The following SLC9A5 variants were observed in gnomAD, a reference collection of about 807,000 sequenced individuals.
SLC9A5 encodes the protein sodium/hydrogen exchanger 5.
A neutral mutation model predicts 91.7 loss-of-function variants in SLC9A5; 52 were observed. The ratio of observed to expected loss-of-function variants is 0.57; its 90% CI spans 0.45 to 0.71. The LOEUF is 0.71. Among genes scored for constraint, SLC9A5 ranks in the 30% least tolerant of loss-of-function variants. The probability of loss-of-function intolerance (pLI) is 0.00; values close to 1 mark genes in which losing one functional copy is unlikely to be tolerated. For missense variants in SLC9A5, 871 were observed against 1,158.9 expected (o/e 0.75, Z 3.61); for synonymous variants, 419 against 474.5 (o/e 0.88, Z 1.52).
chr16:67,262,292 A>C (rs2035557142), intron 12 of SLC9A5: 1 of 457,186 alleles, frequency 2.2e-6, no homozygotes, highest in African/African-American at 2.0e-5. Flanking sequence ...TTTTTGGGGT[A>C]TGGTAACTCA....
intron 10 of SLC9A5, among the ~76,000 whole-genome samples, chr16:67,259,026 C>T (rs1328536514): frequency 6.6e-6 from 1 of 151,106 alleles, no homozygotes; most frequent in Non-Finnish European, 1.5e-5. Flanking sequence ...TTTGGGGGGC[C>T]AAGGCGGGTG....
intron 12 of SLC9A5, 93 bp downstream of exon 12, chr16:67,260,039 A>G: frequency 6.6e-7 from 1 of 1,507,010 alleles, no homozygotes; most frequent in South Asian, 1.3e-5. Context: ...GGAGAGCTGC[A>G]GATGCCCAGC....
intron 12 of SLC9A5, chr16:67,262,499 C>A (rs2035565071): frequency 3.2e-6 from 1 of 311,916 alleles, no homozygotes; most frequent in South Asian, 2.7e-5. Flanking sequence ...ACCACAGAAT[C>A]CCCTGGGGAA....
intron 15 of SLC9A5, among the ~76,000 whole-genome samples, chr16:67,268,657 ATTATATATAT>A (rs2035798456): frequency 2.1e-5 from 1 of 47,792 alleles, no homozygotes; most frequent in East Asian, 8.9e-4. Flanking sequence ...AATTTCCCTG[ATTATATATAT>A]ATATATATAT....
intron 15 of SLC9A5, among the ~76,000 whole-genome samples, chr16:67,267,482 CA>C (rs1351826137): frequency 6.6e-6 from 1 of 152,138 alleles, no homozygotes; most frequent in African/African-American, 2.4e-5. Flanking sequence ...CTTGGCCTCC[CA>C]AAATGCTGGG....
chr16:67,249,086 A>G lies in SLC9A5; in HGVS notation c.72A>G (p.Pro24=). The change falls in exon 1 of 16, where the codon CCA becomes CCG. Residue 24 remains proline, a synonymous_variant. Transcript: ENST00000299798. Reference sequence around the variant, plus strand: ...CGGCCGAAGAGCCCACCCAGAAGCCAGAGTCCCCGGGCGAGCCTCCCCCAG... The same window carrying G: ...CGGCCGAAGAGCCCACCCAGAAGCCGGAGTCCCCGGGCGAGCCTCCCCCAG... The part of the protein sequence containing the change: ...AGAAEEPTQK[P]ESPGEPPPGL... 4 of 1,533,112 alleles carry G rather than the reference A, an allele frequency of 2.6e-6. No individual in the cohort carries two copies. The highest frequency in any genetic ancestry group is 3.5e-6 in the Non-Finnish European group (4 of 1,146,566). 95.0% of individuals were successfully genotyped at this position (1,533,112 alleles called of 1,614,324 possible).
rs759020404 is a variant in SLC9A5, at chr16:67,255,017, A to G, written c.491-4A>G. 1.7e-5 allele frequency: 28 copies of G among 1,612,548 alleles called. 1 individual carries two copies. Among genetic ancestry groups the G allele is most frequent in the South Asian group, 6.6e-5 (6 of 91,048 alleles). On this transcript the variant is annotated splice_polypyrimidine_tract_variant and splice_region_variant and intron_variant, in intron 2 of 15. Coordinates refer to ENST00000299798, the MANE Select transcript of SLC9A5 (RefSeq NM_004594.3). This position sits in a 1 kb window ranked among gnomAD's most constrained non-coding sequence, Gnocchi z 4.9. The stretch of plus-strand genomic sequence containing the variant: ...TGGCCTGTCCTACACATGTCCCTTA[A>G]TAGCCCCTAGGGTGCAGGCTGGCTT...
At position 67,257,288 on chromosome 16, in the gene SLC9A5, A is replaced by G; in HGVS notation, c.1336-57A>G. ...GCTGAAGCCTCATTACGGGGAGAGA[A>G]AGGCAGCAGGGAACTGAATAGGAAT... On this transcript the variant is annotated intron_variant, in intron 7 of 15. Coordinates refer to ENST00000299798, the MANE Select transcript of SLC9A5 (RefSeq NM_004594.3). This position sits in a 1 kb window ranked among gnomAD's most constrained non-coding sequence, Gnocchi z 5.1. 2.7e-6 allele frequency: 4 copies of G among 1,498,074 alleles called. No individual in the cohort carries two copies. In the Admixed American group the frequency reaches 6.7e-5, roughly 25 times the overall value. 92.8% of individuals were successfully genotyped at this position (1,498,074 alleles called of 1,614,324 possible). A position where few individuals can be genotyped will look rare whatever the true frequency, so the allele number is the denominator to read the frequency against.
intron 15 of SLC9A5, among the ~76,000 whole-genome samples, chr16:67,268,440 G>A (rs1001104070): frequency 2.1e-5 from 3 of 145,814 alleles, no homozygotes; most frequent in African/African-American, 7.6e-5. Context: ...CACTCCACCC[G>A]GCCTCAGATA....
intron 12 of SLC9A5, chr16:67,262,441 C>T (rs958229496): frequency 6.2e-6 from 2 of 324,060 alleles, no homozygotes. Flanking sequence ...GAGATAAGGG[C>T]TGGAGAGAAA....
intron 1 of SLC9A5, among the ~76,000 whole-genome samples, chr16:67,249,859 C>T (rs1472741149): frequency 4.6e-5 from 7 of 152,224 alleles, no homozygotes; most frequent in African/African-American, 1.7e-4. Context: ...TGCTTTCATA[C>T]ATCCGACCTC....
chr16:67,251,085 G>A (rs1567404790), intron 1 of SLC9A5, among the ~76,000 whole-genome samples: 1 of 152,172 alleles, frequency 6.6e-6, no homozygotes, highest in Non-Finnish European at 1.5e-5. Context: ...CACCCTTGAT[G>A]CTGGGTATTT....
chr16:67,251,459 G>A (rs1488260366), intron 1 of SLC9A5, among the ~76,000 whole-genome samples: 1 of 133,582 alleles, frequency 7.5e-6, no homozygotes, highest in Non-Finnish European at 1.5e-5. Context: ...TGTCACCCAG[G>A]CTGGAGTACA....
rs397932908 is a variant in SLC9A5, at chr16:67,260,354, C to CAAAAAAAAAAAAAAAAAAAAAAAA, written c.1842+431_1842+432insAAAAAAAAAAAAAAAAAAAAAAAA. ...TGGGTAACAGAGCAAGACTCCATCT[C>CAAAAAAAAAAAAAAAAAAAAAAAA]AAAAAAAAAAAAAAAAAAAAAAAGA... On this transcript the variant is annotated intron_variant, in intron 12 of 15. Transcript: ENST00000299798. Among the ~76,000 whole-genome samples, 29 of 33,440 alleles carry CAAAAAAAAAAAAAAAAAAAAAAAA rather than the reference C, an allele frequency of 8.7e-4. 3 individuals are homozygous for CAAAAAAAAAAAAAAAAAAAAAAAA. Among genetic ancestry groups the CAAAAAAAAAAAAAAAAAAAAAAAA allele is most frequent in the African/African-American group, 3.1e-3 (16 of 5,168 alleles). The allele number at this position is 33,440 out of a possible 152,430, so 21.9% of individuals were successfully genotyped here.
chr16:67,256,992 G>T lies in SLC9A5; in HGVS notation c.1214G>T (p.Gly405Val). The change falls in exon 7 of 16, where the codon GGG (glycine) becomes GTG (valine). Residue 405 changes from glycine to valine, a missense_variant. Around this residue, in one of 3 missense-constraint regions of SLC9A5, gnomAD observed 454 missense variants for 718.3 expected, o/e 0.63. Transcript: ENST00000299798. This position sits in a 1 kb window ranked among gnomAD's most constrained non-coding sequence, Gnocchi z 4.1. ...DKIDQVVMSY[G>V]GLRGAVAFAL... Reference sequence around the variant, plus strand: ...ATTGACCAAGTGGTGATGTCCTATGGGGGCCTGCGGGGGGCTGTGGCCTTT... The same window carrying T: ...ATTGACCAAGTGGTGATGTCCTATGTGGGCCTGCGGGGGGCTGTGGCCTTT... 6.2e-7 allele frequency: 1 copy of T among 1,614,136 alleles called. No individual in the cohort carries two copies. The highest frequency in any genetic ancestry group is 8.5e-7 in the Non-Finnish European group (1 of 1,180,028).
rs183876987 is a variant in SLC9A5, at chr16:67,265,357, G to A, written c.2080+251G>A. 5.7e-3 allele frequency among the ~76,000 whole-genome samples: 865 copies of A among 152,326 alleles called. 8 individuals carry two copies. Among genetic ancestry groups the A allele is most frequent in the African/African-American group, 0.019 (808 of 41,562 alleles). On this transcript the variant is annotated intron_variant, in intron 14 of 15. Coordinates refer to ENST00000299798, the MANE Select transcript of SLC9A5 (RefSeq NM_004594.3). ...CTTGGAAAATGTGTCATGGAGATGG[G>A]GGAGTTTGGTCTGGGCCTTGGAGGA...
intron 2 of SLC9A5, among the ~76,000 whole-genome samples, chr16:67,253,573 A>T (rs1317757953): frequency 6.6e-6 from 1 of 152,276 alleles, no homozygotes; most frequent in Admixed American, 6.5e-5. Context: ...TCCAGGCTAG[A>T]GTGCAATGGC....
At chr16:67,267,652 G>C (rs1713738972) in intron 15 of SLC9A5, among the ~76,000 whole-genome samples, 1 of 152,166 alleles carries the variant, frequency 6.6e-6, no homozygotes, top group South Asian at 2.1e-4. Context: ...AGCCTGACCT[G>C]GAGGAGCAGC....
At position 67,255,964 on chromosome 16, in the gene SLC9A5, G is replaced by C; in HGVS notation, c.911+34G>C. ...TGGGGGCCTTGCAGGCAGATAGCTG[G>C]GAGGGGGCACTGGAGATGGTTGCCC... On this transcript the variant is annotated intron_variant, in intron 5 of 15. Coordinates refer to ENST00000299798, the MANE Select transcript of SLC9A5 (RefSeq NM_004594.3). The surrounding 1 kb of genome is among the most constrained non-coding windows in gnomAD (Gnocchi z 4.9). 6.2e-7 allele frequency: 1 copy of C among 1,602,838 alleles called. No individual in the cohort carries two copies. Among genetic ancestry groups the C allele is most frequent in the South Asian group, 1.1e-5 (1 of 89,716 alleles).
Sources: allele counts gnomAD v4.1 joint callset (sites outside exome capture counted in the v4.1 genomes callset), GRCh38; gene constraint gnomAD v4.1.1; regional missense constraint gnomAD v4.1.1; non-coding constraint Gnocchi (gnomAD v3.1); transcripts MANE v1.5; gene names NCBI Gene and HGNC (gene_info 2026-07-23, HGNC 2026-07-21).